ELP4: variants seen among roughly 807,000 people sequenced by gnomAD.
ELP4 encodes the protein elongator complex protein 4.
ELP4 carries 51 observed loss-of-function variants against 48.9 expected under a neutral mutation model. The observed-to-expected ratio is 1.04, with a 90% CI of 0.83 to 1.32. The LOEUF (loss-of-function observed/expected upper bound fraction) is 1.32. ELP4 is among the 40% of genes most tolerant of loss of function. The pLI is 0.00. For missense variants in ELP4, 519 were observed against 514.6 expected (o/e 1.01, Z -0.08); for synonymous variants, 210 against 189.2 (o/e 1.11, Z -0.90).
At chr11:31,544,187 C>T (rs961373603) in intron 3 of ELP4, among the ~76,000 whole-genome samples, 5 of 152,238 alleles carry the variant, frequency 3.3e-5, no homozygotes, top group Admixed American at 6.5e-5. Flanking sequence ...CAAGCCGAAG[C>T]AGGGCGAGGC....
At chr11:31,612,202 A>G (rs767431584) in intron 5 of ELP4, among the ~76,000 whole-genome samples, 5 of 152,106 alleles carry the variant, frequency 3.3e-5, no homozygotes, top group Admixed American at 6.6e-5. Context: ...TGTCAATGCA[A>G]AAAAAATTAA....
At chr11:31,647,910 C>T (rs1045428551) in intron 8 of ELP4, 61 bp downstream of exon 8, 3 of 898,106 alleles carry the variant, frequency 3.3e-6, no homozygotes, top group South Asian at 2.7e-5. Context: ...TACCTGGAAG[C>T]ATCCTATTCA....
intron 8 of ELP4, chr11:31,649,091 A>G (rs1476691115): frequency 2.0e-5 from 3 of 151,704 alleles, no homozygotes; most frequent in Non-Finnish European, 4.4e-5. Flanking sequence ...TAAGTTTGAA[A>G]AATTTTCAGG....
At chr11:31,595,262 A>G (rs1341517057) in intron 4 of ELP4, among the ~76,000 whole-genome samples, 1 of 152,154 alleles carries the variant, frequency 6.6e-6, no homozygotes, top group East Asian at 1.9e-4. Context: ...ATTTTCAATC[A>G]TTACATTTTC....
intron 7 of ELP4, among the ~76,000 whole-genome samples, chr11:31,636,569 T>A (rs1944981372): frequency 6.6e-6 from 1 of 151,944 alleles, no homozygotes; most frequent in East Asian, 1.9e-4. Flanking sequence ...AACACATAGT[T>A]AAGGAAATTG....
chr11:31,589,660 A>T (rs2133982734), intron 3 of ELP4, among the ~76,000 whole-genome samples: 1 of 152,342 alleles, frequency 6.6e-6, no homozygotes, highest in South Asian at 2.1e-4. Flanking sequence ...TATAGATGAT[A>T]CCACATCTAT....
In ELP4 at chr11:31,787,451, G is replaced by A. The variant is rs541826815; in HGVS notation, c.*3927G>A. On this transcript the variant is annotated 3_prime_UTR_variant, in exon 10 of 10. Transcript: ENST00000640961. ...CGGAACTGGCTGCCTGACCGTGGTG[G>A]AAATTACAGCCAGCGAGAAGGAAGA... 8 of 233,306 alleles carry A rather than the reference G, an allele frequency of 3.4e-5. No individual in the cohort carries two copies. The highest frequency in any genetic ancestry group is 1.1e-4 in the Admixed American group (2 of 17,808). 14.5% of individuals were successfully genotyped at this position (233,306 alleles called of 1,614,324 possible).
At chr11:31,711,458 C>T (rs1047503766) in intron 9 of ELP4, among the ~76,000 whole-genome samples, 25 of 152,090 alleles carry the variant, frequency 1.6e-4, no homozygotes, top group African/African-American at 6.0e-4. Flanking sequence ...CAAGAAAAAG[C>T]ACCAGTGAAC....
At chr11:31,750,322 TGTG>T (rs1349988657) in intron 9 of ELP4, among the ~76,000 whole-genome samples, 7 of 152,160 alleles carry the variant, frequency 4.6e-5, no homozygotes, top group Non-Finnish European at 8.8e-5. Context: ...TCTCAAGAGT[TGTG>T]GTGAGGCTTT....
chr11:31,763,673 A>G, intron 9 of ELP4: 1 of 1,028,976 alleles, frequency 9.7e-7, no homozygotes, highest in Non-Finnish European at 1.3e-6. Flanking sequence ...TCACCTTTTT[A>G]CCAAAGATTA....
intron 9 of ELP4, among the ~76,000 whole-genome samples, chr11:31,738,549 A>G (rs946500623): frequency 1.3e-5 from 2 of 152,208 alleles, no homozygotes; most frequent in African/African-American, 4.8e-5. Context: ...AAGCCTGGGC[A>G]ACATGGCAAA....
At chr11:31,738,870 TCAAA>T (rs1947383281) in intron 9 of ELP4, among the ~76,000 whole-genome samples, 1 of 151,954 alleles carries the variant, frequency 6.6e-6, no homozygotes, top group South Asian at 2.1e-4. Context: ...TTTAAAACAG[TCAAA>T]CAGTCAAAAG....
intron 9 of ELP4, among the ~76,000 whole-genome samples, chr11:31,665,671 T>A (rs1402063203): frequency 6.9e-6 from 1 of 144,588 alleles, no homozygotes; most frequent in Non-Finnish European, 1.5e-5. Context: ...TTTTTTTTTT[T>A]TTTTTTTGAG....
At chr11:31,629,064 CCTT>C in intron 6 of ELP4, among the ~76,000 whole-genome samples, 1 of 151,806 alleles carries the variant, frequency 6.6e-6, no homozygotes, top group Non-Finnish European at 1.5e-5. Flanking sequence ...TTGTATACTA[CCTT>C]ATAATTAGCC....
intron 5 of ELP4, among the ~76,000 whole-genome samples, chr11:31,614,913 CA>C (rs1343083276): frequency 2.6e-5 from 4 of 152,082 alleles, no homozygotes; most frequent in Non-Finnish European, 4.4e-5. Context: ...CTGAATACAA[CA>C]GGTGATTCTA....
chr11:31,742,263 C>T (rs540529442), intron 9 of ELP4, among the ~76,000 whole-genome samples: 2 of 152,304 alleles, frequency 1.3e-5, no homozygotes, highest in African/African-American at 4.8e-5. Context: ...ACCAAAACTA[C>T]GTCTGATTGG....
chr11:31,577,327 T>C (rs6484509), intron 3 of ELP4, among the ~76,000 whole-genome samples: 97,716 of 149,328 alleles, frequency 0.65, 33,359 homozygotes, highest in African/African-American at 0.89. Context: ...CAGGACCCGA[T>C]GGATTAACAG....
chr11:31,643,099 T>C (rs1199445927), intron 7 of ELP4, among the ~76,000 whole-genome samples: 1 of 151,812 alleles, frequency 6.6e-6, no homozygotes, highest in Non-Finnish European at 1.5e-5. Context: ...TACTTGCTTT[T>C]CTTGTGGGTA....
At chr11:31,539,477 T>C (rs1043874220) in intron 2 of ELP4, among the ~76,000 whole-genome samples, 185 bp from the exon 3 acceptor site, 1 of 152,170 alleles carries the variant, frequency 6.6e-6, no homozygotes, top group Non-Finnish European at 1.5e-5. Context: ...CTAGTTCTCA[T>C]TGACTCTCTT....
Sources: gnomAD v4.1 joint callset for allele counts (sites outside exome capture counted in the v4.1 genomes callset) on GRCh38, gnomAD v4.1.1 for gene constraint, MANE v1.5 for transcripts, NCBI Gene and HGNC (gene_info 2026-07-23, HGNC 2026-07-21) for gene names.